The following DGKB variants were observed in gnomAD, a reference collection of about 807,000 sequenced individuals.
DGKB encodes diacylglycerol kinase beta.
Under a neutral mutation model 114.3 loss-of-function variants are expected in DGKB, and 67 were observed. The observed-to-expected ratio is 0.59, with a 90% CI of 0.48 to 0.72. The LOEUF (loss-of-function observed/expected upper bound fraction) is 0.72, where lower values mean the gene tolerates loss of function less well. Among genes scored for constraint, DGKB ranks in the 30% least tolerant of loss-of-function variants. The pLI, the probability that DGKB is intolerant of heterozygous loss-of-function variation, is 0.00. For missense variants in DGKB, 907 were observed against 975.2 expected, an observed-to-expected ratio of 0.93 and a Z score of 0.93; for synonymous variants, 398 against 323.1, an observed-to-expected ratio of 1.23 and a Z score of -2.49.
chr7:14,257,604 G>C (rs1283729777), intron 23 of DGKB, among the ~76,000 whole-genome samples: 1 of 152,114 alleles, frequency 6.6e-6, no homozygotes, highest in Non-Finnish European at 1.5e-5. Context: ...TTCATACTGG[G>C]CTTTTTCCCC....
chr7:14,352,557 T>C (rs1411841391), intron 21 of DGKB, among the ~76,000 whole-genome samples: 1 of 152,172 alleles, frequency 6.6e-6, no homozygotes, highest in Admixed American at 6.5e-5. Flanking sequence ...TTCATAATTA[T>C]TTGAAACGTA....
chr7:14,722,945 C>T (rs1829429591), intron 5 of DGKB, among the ~76,000 whole-genome samples: 1 of 151,930 alleles, frequency 6.6e-6, no homozygotes, highest in African/African-American at 2.4e-5. Flanking sequence ...TGAAAGCAGA[C>T]CCTGGTCCTC....
chr7:14,313,893 T>G (rs1024785064), intron 23 of DGKB, among the ~76,000 whole-genome samples: 2 of 152,208 alleles, frequency 1.3e-5, no homozygotes, highest in Non-Finnish European at 2.9e-5. Flanking sequence ...TCTGACAGCT[T>G]TGAAGAGAGC....
At chr7:14,313,333 G>C (rs373302411) in intron 23 of DGKB, among the ~76,000 whole-genome samples, 1 of 152,018 alleles carries the variant, frequency 6.6e-6, no homozygotes, top group Non-Finnish European at 1.5e-5. Flanking sequence ...GCAGAAGACG[G>C]GTGATTTCTG....
At chr7:14,264,027 G>C (rs1254745129) in intron 23 of DGKB, among the ~76,000 whole-genome samples, 2 of 152,100 alleles carry the variant, frequency 1.3e-5, no homozygotes, top group African/African-American at 2.4e-5. Context: ...GAAGTTTGTA[G>C]AGGGAGTGCA....
intron 2 of DGKB, among the ~76,000 whole-genome samples, chr7:14,838,400 CT>C: frequency 6.6e-6 from 1 of 152,190 alleles, no homozygotes; most frequent in Non-Finnish European, 1.5e-5. Flanking sequence ...TACTTAAACA[CT>C]GGAAAATATA....
chr7:14,241,943 TACACACACACATATACACACAC>T (rs1212538919), intron 23 of DGKB, among the ~76,000 whole-genome samples: 24 of 73,358 alleles, frequency 3.3e-4, no homozygotes, highest in Admixed American at 8.0e-4. Flanking sequence ...TATAGATATA[TACACACACACATATACACACAC>T]ACACACACAC....
At chr7:14,929,759 C>T (rs936900741) in intron 1 of DGKB, among the ~76,000 whole-genome samples, 1 of 151,916 alleles carries the variant, frequency 6.6e-6, no homozygotes, top group Non-Finnish European at 1.5e-5. Flanking sequence ...GTTGTTGTTG[C>T]CTATAATTTT....
At chr7:14,839,407 CTTT>C (rs911581318) in intron 2 of DGKB, among the ~76,000 whole-genome samples, 5 of 130,936 alleles carry the variant, frequency 3.8e-5, no homozygotes, top group Non-Finnish European at 3.3e-5. Context: ...TCTTCTTCTT[CTTT>C]TTTTTTTTTT....
chr7:14,866,274 G>A (rs570343090), intron 1 of DGKB, among the ~76,000 whole-genome samples: 157 of 152,110 alleles, frequency 1.0e-3, no homozygotes, highest in African/African-American at 3.6e-3. Flanking sequence ...CATAATCACC[G>A]AAAGTCCATA....
intron 15 of DGKB, 43 bp downstream of exon 15, chr7:14,621,335 T>G (rs1034142366): frequency 2.8e-5 from 34 of 1,218,080 alleles, no homozygotes; most frequent in Non-Finnish European, 4.1e-5. Flanking sequence ...CCTAGAAGTA[T>G]CAAATATGAA....
intron 1 of DGKB, among the ~76,000 whole-genome samples, chr7:14,885,217 A>G (rs1255130598): frequency 6.6e-6 from 1 of 151,996 alleles, no homozygotes; most frequent in Non-Finnish European, 1.5e-5. Flanking sequence ...AGGGATTGCT[A>G]ACACTGCAAT....
intron 2 of DGKB, among the ~76,000 whole-genome samples, chr7:14,761,637 C>T (rs886924039): frequency 3.3e-5 from 5 of 152,270 alleles, no homozygotes; most frequent in African/African-American, 9.6e-5. Flanking sequence ...GATAGTAAGA[C>T]GTGGCCTCAG....
chr7:14,362,923 GA>G (rs1680807818), intron 21 of DGKB, among the ~76,000 whole-genome samples: 1 of 151,976 alleles, frequency 6.6e-6, no homozygotes, highest in Admixed American at 6.6e-5. Flanking sequence ...CTTGAATCAG[GA>G]CCAACCTTGT....
At chr7:14,176,920 G>T (rs780282705) in intron 24 of DGKB, 21 bp from the exon 25 acceptor site, 9 of 1,612,664 alleles carry the variant, frequency 5.6e-6, no homozygotes, top group South Asian at 1.1e-5. Context: ...ATATTTCATT[G>T]TAAGTATTGC....
chr7:14,710,672 C>A (rs1029569924), intron 6 of DGKB, among the ~76,000 whole-genome samples: 2 of 152,026 alleles, frequency 1.3e-5, no homozygotes, highest in Non-Finnish European at 2.9e-5. Context: ...TTCTATACTA[C>A]TTTTATTTCG....
At chr7:14,289,256 G>T (rs1801362626) in intron 23 of DGKB, among the ~76,000 whole-genome samples, 1 of 151,044 alleles carries the variant, frequency 6.6e-6, no homozygotes, top group Non-Finnish European at 1.5e-5. Flanking sequence ...ATTTCTCCAG[G>T]GTGTGAAAAG....
At chr7:14,688,790 T>C (rs1011551001) in intron 9 of DGKB, among the ~76,000 whole-genome samples, 2 of 151,800 alleles carry the variant, frequency 1.3e-5, no homozygotes, top group African/African-American at 4.8e-5. Flanking sequence ...CCTATTATCC[T>C]AGTGATTCTA....
At chr7:14,825,016 G>GTGTATATATATA (rs1480765381) in intron 2 of DGKB, among the ~76,000 whole-genome samples, 12 of 92,406 alleles carry the variant, frequency 1.3e-4, no homozygotes, top group South Asian at 4.0e-4. Context: ...GTATGTGTAT[G>GTGTATATATATA]TATATATATA....
Sources: gnomAD v4.1 joint callset for allele counts (sites outside exome capture counted in the v4.1 genomes callset) on GRCh38, gnomAD v4.1.1 for gene constraint, MANE v1.5 for transcripts, NCBI Gene and HGNC (gene_info 2026-07-23, HGNC 2026-07-21) for gene names.